Variants in GLYATL2 observed in about 807,000 individuals in gnomAD.
The protein encoded by GLYATL2 is glycine N-acyltransferase-like protein 2.
GLYATL2 carries 25 observed loss-of-function variants against 21.4 expected under a neutral mutation model. The observed-to-expected ratio is 1.17, with a 90% CI of 0.85 to 1.63. The LOEUF (loss-of-function observed/expected upper bound fraction) is 1.63. Ranked by LOEUF, GLYATL2 falls within the 40% of genes most tolerant of loss-of-function variation. GLYATL2 has a pLI of 0.00. For missense variants in GLYATL2, 361 were observed against 343.3 expected, an observed-to-expected ratio of 1.05 and a Z score of -0.41; for synonymous variants, 114 against 118.2, an observed-to-expected ratio of 0.96 and a Z score of 0.23.
chr11:58,848,222 C>G (rs1487437939), upstream of GLYATL2, among the ~76,000 whole-genome samples: 1 of 152,050 alleles, frequency 6.6e-6, no homozygotes, highest in East Asian at 1.9e-4. Flanking sequence ...GCCTTTCCAA[C>G]AAGGATGGCT....
intron 1 of GLYATL2, among the ~76,000 whole-genome samples, chr11:58,863,268 T>C (rs911353887): frequency 6.6e-6 from 1 of 152,132 alleles, no homozygotes; most frequent in Admixed American, 6.6e-5. Context: ...TGTCTGCAGG[T>C]GCTAGCTAGG....
At chr11:58,848,159 G>A (rs190301304), upstream of GLYATL2, among the ~76,000 whole-genome samples, 14 of 152,212 alleles carry the variant, frequency 9.2e-5, no homozygotes, top group Non-Finnish European at 1.9e-4. Context: ...GATGCTCTCT[G>A]AAGTAGAGAC....
intron 1 of GLYATL2, among the ~76,000 whole-genome samples, chr11:58,853,198 G>A (rs645667): frequency 0.87 from 132,634 of 152,140 alleles, 58,993 homozygotes; most frequent in Non-Finnish European, 0.96. Context: ...GGGGCAATAC[G>A]AATATTTATA....
chr11:58,843,930 C>T (rs1329321062), intron 1 of GLYATL2, among the ~76,000 whole-genome samples: 1 of 152,070 alleles, frequency 6.6e-6, no homozygotes, highest in East Asian at 1.9e-4. Context: ...TGGAGAGAAA[C>T]ATTAGGATAC....
intron 1 of GLYATL2, among the ~76,000 whole-genome samples, chr11:58,857,564 A>C (rs1258828714): frequency 3.9e-5 from 6 of 152,288 alleles, no homozygotes; most frequent in African/African-American, 1.4e-4. Flanking sequence ...CTAGTGCTAC[A>C]GAGTGAACTT....
chr11:58,859,056 G>C (rs1381551175), intron 1 of GLYATL2, among the ~76,000 whole-genome samples: 1 of 152,108 alleles, frequency 6.6e-6, no homozygotes, highest in Admixed American at 6.5e-5. Context: ...TCCTGTGTAG[G>C]GGTGGAAGTC....
chr11:58,839,084 A>G lies in GLYATL2; in HGVS notation c.78+451T>C, dbSNP rs78267683. ...ATATTTGTAGCAAGTGGTATATGGC[A>G]GGAGAATGTTGAGAGGCAAAATAAA... On this transcript the variant is annotated intron_variant, in intron 2 of 5. Coordinates refer to ENST00000287275, the MANE Select transcript of GLYATL2 (RefSeq NM_145016.4). Among the ~76,000 whole-genome samples, 493 of 152,322 alleles carry G rather than the reference A, an allele frequency of 3.2e-3. 1 individual carries two copies. Among genetic ancestry groups the G allele is most frequent in the African/African-American group, 0.011 (474 of 41,576 alleles).
chr11:58,867,566 T>C (rs1296127145), intron 1 of GLYATL2, among the ~76,000 whole-genome samples: 1 of 148,718 alleles, frequency 6.7e-6, no homozygotes, highest in African/African-American at 2.4e-5. Context: ...AGACCTAGAA[T>C]CAGAGGTCCC....
intron 1 of GLYATL2, among the ~76,000 whole-genome samples, chr11:58,901,415 C>T (rs982915849): frequency 6.6e-6 from 1 of 152,130 alleles, no homozygotes; most frequent in African/African-American, 2.4e-5. Flanking sequence ...GGGCCTCACC[C>T]CAGACCTATT....
chr11:58,892,616 G>A (rs954685174), intron 1 of GLYATL2: 3 of 284,314 alleles, frequency 1.1e-5, no homozygotes, highest in African/African-American at 2.2e-5. Flanking sequence ...AGTGTAAGTC[G>A]AGAACATCAC....
intron 5 of GLYATL2, among the ~76,000 whole-genome samples, chr11:58,835,627 G>C (rs1188079059): frequency 6.6e-6 from 1 of 152,108 alleles, no homozygotes; most frequent in Non-Finnish European, 1.5e-5. Context: ...CCAGTGGGTG[G>C]GTAACAGAAC....
At chr11:58,870,230 T>G (rs1371507165) in intron 1 of GLYATL2, among the ~76,000 whole-genome samples, 2 of 152,088 alleles carry the variant, frequency 1.3e-5, no homozygotes, top group Non-Finnish European at 2.9e-5. Flanking sequence ...GGCTTTTAGG[T>G]GAAGACTTAA....
At chr11:58,859,417 A>G (rs1853892628) in intron 1 of GLYATL2, among the ~76,000 whole-genome samples, 4 of 151,204 alleles carry the variant, frequency 2.6e-5, no homozygotes, top group Middle Eastern at 3.4e-3. Flanking sequence ...AAAAAAACTC[A>G]GAGAGAGAGA....
At chr11:58,850,813 A>T (rs1853728124) in intron 1 of GLYATL2, among the ~76,000 whole-genome samples, 1 of 152,034 alleles carries the variant, frequency 6.6e-6, no homozygotes, top group South Asian at 2.1e-4. Flanking sequence ...GCCTGACATC[A>T]GTCAGGCCCA....
intron 5 of GLYATL2, among the ~76,000 whole-genome samples, chr11:58,835,107 G>C (rs1344246318): frequency 6.6e-6 from 1 of 152,098 alleles, no homozygotes; most frequent in Non-Finnish European, 1.5e-5. Flanking sequence ...GTGCCCTAAG[G>C]AAGAAAATGA....
chr11:58,855,449 C>T (rs534927627), intron 1 of GLYATL2, among the ~76,000 whole-genome samples: 30 of 152,310 alleles, frequency 2.0e-4, no homozygotes, highest in South Asian at 1.0e-3. Flanking sequence ...CAGTAAACCA[C>T]GCTGTAAATA....
upstream of GLYATL2, chr11:58,905,782 G>T (rs1363520856): frequency 3.6e-5 from 14 of 385,672 alleles, no homozygotes; most frequent in African/African-American, 2.9e-4. Context: ...CGGCCTGGCC[G>T]TCTGACCCGC....
At chr11:58,840,949 T>C (rs1853539837) in intron 1 of GLYATL2, 1 of 151,624 alleles carries the variant, frequency 6.6e-6, no homozygotes, top group Non-Finnish European at 1.5e-5. Context: ...TACATTTGCA[T>C]ATACCCACCT....
At chr11:58,897,072 A>G (rs1854648029) in intron 1 of GLYATL2, among the ~76,000 whole-genome samples, 1 of 152,220 alleles carries the variant, frequency 6.6e-6, no homozygotes, top group Non-Finnish European at 1.5e-5. Flanking sequence ...TGCATATGAA[A>G]CTTCCCTTGA....
Sources: allele counts gnomAD v4.1 joint callset (sites outside exome capture counted in the v4.1 genomes callset), GRCh38; gene constraint gnomAD v4.1.1; transcripts MANE v1.5; gene names NCBI Gene and HGNC (gene_info 2026-07-23, HGNC 2026-07-21).